Variants in PRUNE2 observed in about 807,000 individuals in gnomAD.
PRUNE2 encodes the protein prune homolog 2 with BCH domain, also known as protein prune homolog 2.
A neutral mutation model predicts 252.0 loss-of-function variants in PRUNE2; 164 were observed. That is an observed-to-expected ratio of 0.65 (90% CI 0.57 to 0.74). The LOEUF is 0.74. Among genes scored for constraint, PRUNE2 ranks in the 30% least tolerant of loss-of-function variants. The pLI is 0.00. For missense variants in PRUNE2, 3,495 were observed against 3,711.0 expected, an observed-to-expected ratio of 0.94 and a Z score of 1.51; for synonymous variants, 1,292 against 1,350.2, an observed-to-expected ratio of 0.96 and a Z score of 0.94.
At chr9:76,620,379 G>A (rs1021800317) in intron 17 of PRUNE2, among the ~76,000 whole-genome samples, 1 of 152,022 alleles carries the variant, frequency 6.6e-6, no homozygotes, top group Admixed American at 6.6e-5. Context: ...GGACTCAAGC[G>A]ATCCTCCTGC....
intron 4 of PRUNE2, among the ~76,000 whole-genome samples, chr9:76,831,894 C>T (rs2058693173): frequency 2.0e-5 from 3 of 151,936 alleles, no homozygotes; most frequent in African/African-American, 4.8e-5. Flanking sequence ...ATATAATCAT[C>T]GGAAGGTTGA....
chr9:76,825,006 G>A (rs968234071), intron 5 of PRUNE2, among the ~76,000 whole-genome samples: 9 of 152,204 alleles, frequency 5.9e-5, no homozygotes, highest in African/African-American at 2.2e-4. Flanking sequence ...TGCAATGGAC[G>A]CTGCAAAGGC....
At chr9:76,855,082 A>AAATATATATATATAT (rs1490285240) in intron 1 of PRUNE2, among the ~76,000 whole-genome samples, 1 of 109,416 alleles carries the variant, frequency 9.1e-6, no homozygotes, top group African/African-American at 3.8e-5. Context: ...AAAAAAAAAA[A>AAATATATATATATAT]ATATATATAT....
intron 9 of PRUNE2, among the ~76,000 whole-genome samples, chr9:76,698,565 G>T (rs1188968829): frequency 4.6e-5 from 7 of 152,162 alleles, no homozygotes; most frequent in Admixed American, 4.6e-4. Flanking sequence ...CAGAACTGGG[G>T]TACAGCTTGG....
intron 10 of PRUNE2, among the ~76,000 whole-genome samples, chr9:76,653,428 C>G (rs1003858406): frequency 6.6e-6 from 1 of 151,998 alleles, no homozygotes; most frequent in Non-Finnish European, 1.5e-5. Context: ...AATTATAATA[C>G]CTAATACAAA....
chr9:76,896,730 T>C (rs1033153076), intron 1 of PRUNE2, among the ~76,000 whole-genome samples: 8 of 151,804 alleles, frequency 5.3e-5, no homozygotes, highest in African/African-American at 1.9e-4. Flanking sequence ...CCGAGAGCTG[T>C]GTTCTAACCC....
chr9:76,837,821 G>C (rs370365586), intron 4 of PRUNE2, among the ~76,000 whole-genome samples: 4 of 149,838 alleles, frequency 2.7e-5, no homozygotes, highest in East Asian at 2.0e-4. Flanking sequence ...GCCCAGGCTG[G>C]AGTGCAGTGG....
At chr9:76,669,843 C>A (rs2040966202) in intron 9 of PRUNE2, among the ~76,000 whole-genome samples, 1 of 152,200 alleles carries the variant, frequency 6.6e-6, no homozygotes, top group African/African-American at 2.4e-5. Context: ...CCTCACTCCT[C>A]CCGAGTCTTC....
At chr9:76,691,027 A>AT (rs1306181628) in intron 9 of PRUNE2, among the ~76,000 whole-genome samples, 3 of 152,154 alleles carry the variant, frequency 2.0e-5, no homozygotes, top group Non-Finnish European at 4.4e-5. Flanking sequence ...ATTATTCCAG[A>AT]TTTTACATTC....
intron 11 of PRUNE2, among the ~76,000 whole-genome samples, chr9:76,650,168 T>C (rs900887807): frequency 1.3e-5 from 2 of 151,950 alleles, no homozygotes; most frequent in African/African-American, 4.8e-5. Flanking sequence ...TGCTTCATTG[T>C]TCTAGTTATA....
At chr9:76,905,364 C>A (rs2133808519) in intron 1 of PRUNE2, among the ~76,000 whole-genome samples, 1 of 152,260 alleles carries the variant, frequency 6.6e-6, no homozygotes, top group African/African-American at 2.4e-5. Context: ...GCCTCCGCCC[C>A]AATTTACAGA....
intron 9 of PRUNE2, among the ~76,000 whole-genome samples, chr9:76,683,567 T>C (rs2043726737): frequency 6.6e-6 from 1 of 152,198 alleles, no homozygotes; most frequent in Admixed American, 6.5e-5. Context: ...GGGAAAAATA[T>C]GTATGTTCTC....
chr9:76,714,695 C>T (rs2047001807), intron 6 of PRUNE2, among the ~76,000 whole-genome samples: 1 of 152,192 alleles, frequency 6.6e-6, no homozygotes, highest in South Asian at 2.1e-4. Context: ...GCACCCGGTC[C>T]GGTCTTTGAG....
At chr9:76,740,875 T>C (rs1009502323) in intron 6 of PRUNE2, among the ~76,000 whole-genome samples, 3 of 152,206 alleles carry the variant, frequency 2.0e-5, no homozygotes, top group Non-Finnish European at 4.4e-5. Context: ...CAAATTCACA[T>C]CTCACTATTG....
chr9:76,803,754 C>A (rs1311689147), intron 6 of PRUNE2, among the ~76,000 whole-genome samples: 2 of 152,068 alleles, frequency 1.3e-5, no homozygotes, highest in Non-Finnish European at 2.9e-5. Flanking sequence ...GGTTGGTGCA[C>A]AAGGAAGCAA....
chr9:76,701,118 C>A (rs2045853748), intron 9 of PRUNE2, among the ~76,000 whole-genome samples: 1 of 152,208 alleles, frequency 6.6e-6, no homozygotes, highest in Non-Finnish European at 1.5e-5. Flanking sequence ...GGCTGGGCCT[C>A]ACCCCCAGAG....
rs1244887681 is a variant in PRUNE2, at chr9:76,846,681, G to C, written c.345-3C>G. 6.2e-7 allele frequency: 1 copy of C among 1,611,752 alleles called. No individual in the cohort carries two copies. The highest frequency in any genetic ancestry group is 8.5e-7 in the Non-Finnish European group (1 of 1,178,076). On this transcript the variant is annotated splice_region_variant and splice_polypyrimidine_tract_variant and intron_variant, in intron 3 of 18. Transcript: ENST00000376718. Reference sequence around the variant, plus strand: ...CTGATTCTAAAGTTTTGTCTTCACTGTAAAGCAAATGGAGGGGAGGAAGAG... The same window carrying C: ...CTGATTCTAAAGTTTTGTCTTCACTCTAAAGCAAATGGAGGGGAGGAAGAG...
chr9:76,762,511 A>G (rs909588074), intron 6 of PRUNE2, among the ~76,000 whole-genome samples: 1 of 152,186 alleles, frequency 6.6e-6, no homozygotes, highest in Admixed American at 6.5e-5. Flanking sequence ...TAGATTCCAC[A>G]CATGTTCATT....
intron 6 of PRUNE2, among the ~76,000 whole-genome samples, chr9:76,794,354 C>T (rs1050786173): frequency 4.6e-5 from 7 of 152,148 alleles, no homozygotes; most frequent in African/African-American, 9.7e-5. Context: ...CGGTCGCTCA[C>T]GCCTCTAATC....
Sources: allele counts gnomAD v4.1 joint callset (sites outside exome capture counted in the v4.1 genomes callset), GRCh38; gene constraint gnomAD v4.1.1; transcripts MANE v1.5; gene names NCBI Gene and HGNC (gene_info 2026-07-23, HGNC 2026-07-21).